Variants in DSCAM observed in about 807,000 individuals in gnomAD.
DSCAM encodes the protein cell adhesion molecule DSCAM.
In DSCAM, 47 loss-of-function variants were observed where a neutral mutation model predicts 217.7. The ratio of observed to expected loss-of-function variants is 0.22; its 90% confidence interval spans 0.17 to 0.28. DSCAM has a LOEUF of 0.28. Ranked by LOEUF, DSCAM falls within the 10% of genes least tolerant of loss-of-function variation. The pLI, the probability that DSCAM is intolerant of heterozygous loss-of-function variation, is 1.00. For missense variants in DSCAM, 2,080 were observed against 2,618.3 expected (o/e 0.79, Z 4.49); for synonymous variants, 1,056 against 1,015.3 (o/e 1.04, Z -0.76).
chr21:40,765,854 C>T (rs1005394090), intron 1 of DSCAM, among the ~76,000 whole-genome samples: 1 of 152,182 alleles, frequency 6.6e-6, no homozygotes, highest in African/African-American at 2.4e-5. Context: ...CTCCGATGCC[C>T]GCTCCAGATC....
intron 4 of DSCAM, among the ~76,000 whole-genome samples, chr21:40,366,394 T>C (rs1892630943): frequency 6.6e-6 from 1 of 152,172 alleles, no homozygotes; most frequent in Non-Finnish European, 1.5e-5. Flanking sequence ...TATCCTCTGA[T>C]GTGTTCCCTG....
intron 1 of DSCAM, among the ~76,000 whole-genome samples, chr21:40,769,569 G>A (rs1367876643): frequency 1.3e-5 from 2 of 152,194 alleles, no homozygotes; most frequent in Admixed American, 1.3e-4. Context: ...TCCCTGGAGA[G>A]GTGGATCTCA....
chr21:40,763,822 G>A (rs532462049), intron 1 of DSCAM, among the ~76,000 whole-genome samples: 17 of 152,166 alleles, frequency 1.1e-4, no homozygotes, highest in African/African-American at 2.9e-4. Flanking sequence ...TTTGGAAAAC[G>A]TGACAAGAAC....
chr21:40,377,703 G>A (rs555058090), intron 3 of DSCAM, among the ~76,000 whole-genome samples: 1 of 152,010 alleles, frequency 6.6e-6, no homozygotes, highest in African/African-American at 2.4e-5. Flanking sequence ...CCAGGAAGGG[G>A]AGTGAAGGAA....
At chr21:40,717,720 T>C (rs536221342) in intron 1 of DSCAM, among the ~76,000 whole-genome samples, 2 of 152,372 alleles carry the variant, frequency 1.3e-5, no homozygotes, top group South Asian at 2.1e-4. Flanking sequence ...CTAAAATTGA[T>C]TGTGGTGAAG....
At chr21:40,525,843 C>G (rs2076396063) in intron 3 of DSCAM, among the ~76,000 whole-genome samples, 1 of 152,208 alleles carries the variant, frequency 6.6e-6, no homozygotes, top group African/African-American at 2.4e-5. Flanking sequence ...TGTGGCCTTC[C>G]ATCTGAGAAC....
chr21:40,101,638 C>T (rs1349257991), intron 20 of DSCAM, among the ~76,000 whole-genome samples: 1 of 152,084 alleles, frequency 6.6e-6, no homozygotes, highest in Non-Finnish European at 1.5e-5. Flanking sequence ...GTAACAGGGG[C>T]AATCCACAGT....
chr21:40,147,410 A>G (rs1432827137), intron 16 of DSCAM, among the ~76,000 whole-genome samples: 1 of 152,222 alleles, frequency 6.6e-6, no homozygotes, highest in Non-Finnish European at 1.5e-5. Context: ...AACTAGCTTA[A>G]CTATAATAGA....
chr21:40,078,576 G>C (rs950360826), intron 26 of DSCAM, 111 bp downstream of exon 26: 1 of 1,417,570 alleles, frequency 7.1e-7, no homozygotes, highest in South Asian at 1.4e-5. Flanking sequence ...AATGGGCTCC[G>C]TGGGCACTGG....
intron 32 of DSCAM, among the ~76,000 whole-genome samples, chr21:40,029,413 T>C (rs1377210153): frequency 1.4e-5 from 2 of 147,662 alleles, no homozygotes; most frequent in Non-Finnish European, 3.0e-5. Flanking sequence ...CCTTGGGGAA[T>C]GCATTTGAGG....
At chr21:40,770,665 G>A (rs1205008599) in intron 1 of DSCAM, among the ~76,000 whole-genome samples, 1 of 152,146 alleles carries the variant, frequency 6.6e-6, no homozygotes, top group Non-Finnish European at 1.5e-5. Context: ...AACCTTATTT[G>A]TGTGAAAACT....
At chr21:40,229,074 T>A (rs2091358377) in intron 11 of DSCAM, among the ~76,000 whole-genome samples, 1 of 152,208 alleles carries the variant, frequency 6.6e-6, no homozygotes, top group Non-Finnish European at 1.5e-5. Flanking sequence ...CCAACTCCCA[T>A]GATCTGCCAC....
intron 3 of DSCAM, among the ~76,000 whole-genome samples, chr21:40,588,507 G>A (rs2076962376): frequency 1.3e-5 from 2 of 152,166 alleles, no homozygotes. Flanking sequence ...AGGAAAAACT[G>A]TGGTGAAATG....
intron 3 of DSCAM, among the ~76,000 whole-genome samples, chr21:40,673,595 G>A (rs1022715048): frequency 2.6e-5 from 4 of 152,178 alleles, no homozygotes; most frequent in African/African-American, 4.8e-5. Context: ...CAGCTGTCAT[G>A]TAGAACTGTA....
chr21:40,474,159 G>A (rs1173477028), intron 3 of DSCAM, among the ~76,000 whole-genome samples: 1 of 152,072 alleles, frequency 6.6e-6, no homozygotes, highest in Non-Finnish European at 1.5e-5. Context: ...TGGGTGTGGT[G>A]GCAGGCGCCT....
chr21:40,471,261 C>T (rs574817488), intron 3 of DSCAM, among the ~76,000 whole-genome samples: 27 of 152,272 alleles, frequency 1.8e-4, no homozygotes, highest in East Asian at 1.4e-3. Context: ...GAGAAATATG[C>T]TTATGTCAAC....
chr21:40,522,311 GAC>G (rs1405326652), intron 3 of DSCAM, among the ~76,000 whole-genome samples: 1 of 152,166 alleles, frequency 6.6e-6, no homozygotes, highest in Admixed American at 6.5e-5. Flanking sequence ...ACCATGTGCT[GAC>G]ACAAATCCAC....
chr21:40,660,533 G>A (rs143228340), intron 3 of DSCAM, among the ~76,000 whole-genome samples: 6 of 152,164 alleles, frequency 3.9e-5, no homozygotes, highest in African/African-American at 9.7e-5. Flanking sequence ...CCAAATGGAC[G>A]TGAGGTTCTA....
At chr21:40,368,835 T>A (rs1195141357) in intron 4 of DSCAM, among the ~76,000 whole-genome samples, 2 of 152,226 alleles carry the variant, frequency 1.3e-5, no homozygotes, top group East Asian at 3.9e-4. Flanking sequence ...TGGAGATGGA[T>A]CTTTCACTCC....
Sources: allele counts gnomAD v4.1 joint callset (sites outside exome capture counted in the v4.1 genomes callset), GRCh38; gene constraint gnomAD v4.1.1; transcripts MANE v1.5; gene names NCBI Gene and HGNC (gene_info 2026-07-23, HGNC 2026-07-21).